Variants in KREMEN1 observed in about 807,000 individuals in gnomAD.
KREMEN1 encodes the protein kringle containing transmembrane protein 1.
A neutral mutation model predicts 46.5 loss-of-function variants in KREMEN1; 30 were observed. The ratio of observed to expected loss-of-function variants is 0.65; its 90% confidence interval spans 0.48 to 0.88. The LOEUF is 0.88. KREMEN1 is among the 40% of genes least tolerant of loss of function. KREMEN1 has a pLI of 0.00. For missense variants in KREMEN1, 533 were observed against 596.9 expected, an observed-to-expected ratio of 0.89 and a Z score of 1.11; for synonymous variants, 214 against 230.6, an observed-to-expected ratio of 0.93 and a Z score of 0.65.
At chr22:29,167,187 C>T (rs1305231228) in exon 10 of KREMEN1, 14 of 1,142,930 alleles carry the variant, frequency 1.2e-5, no homozygotes, top group Middle Eastern at 2.0e-4. Flanking sequence ...TGCCTCTCCT[C>T]GCACAGAAAT....
At chr22:29,154,924 T>C (rs1210151930) in intron 9 of KREMEN1, among the ~76,000 whole-genome samples, 1 of 152,146 alleles carries the variant, frequency 6.6e-6, no homozygotes, top group East Asian at 1.9e-4. Context: ...ACTCATTCTA[T>C]CAGATAAGTG....
chr22:29,128,841 A>C (rs1209506421), intron 5 of KREMEN1, among the ~76,000 whole-genome samples: 2 of 152,240 alleles, frequency 1.3e-5, no homozygotes, highest in Non-Finnish European at 2.9e-5. Flanking sequence ...GGTTTGCCAC[A>C]TTTGAAATTT....
intron 5 of KREMEN1, 89 bp downstream of exon 5, chr22:29,125,505 T>G: frequency 6.1e-6 from 8 of 1,321,244 alleles, no homozygotes; most frequent in Non-Finnish European, 7.4e-6. Context: ...CCCTTCTATG[T>G]ATTCATTCAT....
intron 3 of KREMEN1, among the ~76,000 whole-genome samples, chr22:29,120,428 A>G (rs2145811124): frequency 2.6e-5 from 3 of 117,138 alleles, no homozygotes; most frequent in Non-Finnish European, 3.6e-5. Context: ...AACAGGGAGG[A>G]GGGAGAGGTG....
intron 3 of KREMEN1, among the ~76,000 whole-genome samples, chr22:29,117,431 G>A (rs1209007231): frequency 6.6e-6 from 1 of 152,100 alleles, no homozygotes; most frequent in Non-Finnish European, 1.5e-5. Context: ...GCCGGGCGTG[G>A]TGGCGGGCGC....
intron 3 of KREMEN1, among the ~76,000 whole-genome samples, chr22:29,106,661 A>C (rs2038064887): frequency 1.3e-5 from 2 of 152,180 alleles, no homozygotes; most frequent in South Asian, 4.1e-4. Flanking sequence ...TAGCTAGACC[A>C]GTGCCTTTTC....
intron 6 of KREMEN1, 59 bp from the exon 7 acceptor site, chr22:29,138,565 G>GCA: frequency 6.6e-7 from 1 of 1,522,798 alleles, no homozygotes; most frequent in East Asian, 2.3e-5. Context: ...CTCTCCTCCC[G>GCA]CACAACTCTT....
chr22:29,120,400 G>A (rs1265658100), intron 3 of KREMEN1, among the ~76,000 whole-genome samples: 43 of 140,568 alleles, frequency 3.1e-4, no homozygotes, highest in East Asian at 6.8e-4. Flanking sequence ...ACAGGGAGGA[G>A]GGAGAGGTGA....
chr22:29,090,854 G>C (rs760283203), intron 1 of KREMEN1, among the ~76,000 whole-genome samples: 1 of 152,168 alleles, frequency 6.6e-6, no homozygotes, highest in African/African-American at 2.4e-5. Context: ...AGTTTCACCA[G>C]TGTAACTGAG....
At chr22:29,164,763 A>AC (rs1435371428) in intron 9 of KREMEN1, among the ~76,000 whole-genome samples, 1 of 150,768 alleles carries the variant, frequency 6.6e-6, no homozygotes, top group Non-Finnish European at 1.5e-5. Flanking sequence ...AAAACAAAAA[A>AC]AAAAACCCAA....
chr22:29,121,256 A>C (rs1449892702), intron 3 of KREMEN1, 101 bp from the exon 4 acceptor site: 1 of 1,395,530 alleles, frequency 7.2e-7, no homozygotes, highest in African/African-American at 1.4e-5. Context: ...CAGGAGTGGA[A>C]ATACTGGCTG....
intron 4 of KREMEN1, among the ~76,000 whole-genome samples, chr22:29,121,703 C>T (rs2038359650): frequency 6.6e-6 from 1 of 152,308 alleles, no homozygotes; most frequent in East Asian, 1.9e-4. Context: ...TTGGTACTAA[C>T]TGCTAATCAA....
At position 29,088,089 on chromosome 22, in the gene KREMEN1, C is replaced by A. The variant is rs142918574; in HGVS notation, c.98-6169C>A. Among the ~76,000 whole-genome samples, 66 of 152,118 alleles carry A rather than the reference C, an allele frequency of 4.3e-4. No individual in the cohort carries two copies. In the East Asian group the frequency reaches 0.012, roughly 28 times the overall value. On this transcript the variant is annotated intron_variant, in intron 1 of 8. Transcript: ENST00000400335. ...TAGCTGAAATTTTGATTAAGAAAAA[C>A]CTATTTGCTCCTCTGTATCTTTTTC...
intron 3 of KREMEN1, among the ~76,000 whole-genome samples, chr22:29,099,750 A>G (rs1375193636): frequency 6.6e-6 from 1 of 151,974 alleles, no homozygotes; most frequent in Non-Finnish European, 1.5e-5. Flanking sequence ...GGGCTTCACC[A>G]TGTTGGCCAG....
chr22:29,155,545 A>G (rs554879758), intron 9 of KREMEN1, among the ~76,000 whole-genome samples: 28 of 152,210 alleles, frequency 1.8e-4, no homozygotes, highest in Non-Finnish European at 1.9e-4. Flanking sequence ...CAAAAAGGAA[A>G]AGAGAAGGTG....
intron 3 of KREMEN1, among the ~76,000 whole-genome samples, chr22:29,107,055 G>T (rs536370715): frequency 1.3e-5 from 2 of 152,128 alleles, no homozygotes; most frequent in Non-Finnish European, 2.9e-5. Context: ...CAGACCAGCT[G>T]TTCTCAGCGA....
intron 9 of KREMEN1, among the ~76,000 whole-genome samples, chr22:29,161,304 G>C (rs132307): frequency 4.8e-4 from 73 of 151,626 alleles, no homozygotes; most frequent in African/African-American, 1.5e-3. Context: ...TCAGGAGATC[G>C]AGACCATCCT....
chr22:29,143,428 TCCCCCGTGTTAAAAGATAAAAAAC>T lies in KREMEN1; in HGVS notation c.*1317_*1340del, dbSNP rs989182540. 2.0e-6 allele frequency: 2 copies of T among 985,044 alleles called. No individual in the cohort carries two copies. Among genetic ancestry groups the T allele is most frequent in the African/African-American group, 3.5e-5 (2 of 57,094 alleles). 61.0% of individuals were successfully genotyped at this position (985,044 alleles called of 1,614,324 possible). On this transcript the variant is annotated 3_prime_UTR_variant, in exon 9 of 9. Transcript: ENST00000400335. ...GGGCCTGTGGTCCTTCCTTCTGGTG[TCCCCCGTGTTAAAAGATAAAAAAC>T]ACCCCAAGGGCCGGGCGCGGTGGCT...
chr22:29,085,554 A>T (rs548916624), intron 1 of KREMEN1, among the ~76,000 whole-genome samples: 1 of 152,354 alleles, frequency 6.6e-6, no homozygotes, highest in South Asian at 2.1e-4. Flanking sequence ...TTTACACTTC[A>T]GTCAGGATCT....
Sources: gnomAD v4.1 joint callset for allele counts (sites outside exome capture counted in the v4.1 genomes callset) on GRCh38, gnomAD v4.1.1 for gene constraint, MANE v1.5 for transcripts, NCBI Gene and HGNC (gene_info 2026-07-23, HGNC 2026-07-21) for gene names.